The following KCNN3 variants were observed in gnomAD, a reference collection of about 807,000 sequenced individuals.
KCNN3 encodes potassium calcium-activated channel subfamily N member 3, also known as small conductance calcium-activated potassium channel protein 3.
In KCNN3, 16 loss-of-function variants were observed where a neutral mutation model predicts 62.9. The ratio of observed to expected loss-of-function variants is 0.25; its 90% CI spans 0.17 to 0.39. KCNN3 has a LOEUF of 0.39. Ranked by LOEUF, KCNN3 falls within the 10% of genes least tolerant of loss-of-function variation. The probability of loss-of-function intolerance (pLI) is 1.00; values close to 1 mark genes in which losing one functional copy is unlikely to be tolerated. For synonymous variants in KCNN3, 370 were observed against 389.2 expected (o/e 0.95, Z 0.58); for missense variants, 599 against 949.4 (o/e 0.63, Z 4.85).
rs1464923221 is a variant in KCNN3 at position 154,728,193 on chromosome 1, CTTTTAATGAGAAGCTAGAGTGT to C, written c.1591-2189_1591-2168del. On this transcript the variant is annotated intron_variant, in intron 4 of 7. Coordinates refer to ENST00000271915, the MANE Select transcript of KCNN3 (RefSeq NM_002249.6). ...TTTAGCTGGCTGATTGCAGGGGGGG[CTTTTAATGAGAAGCTAGAGTGT>C]TTTATCTAATGAACCACCTGTCTCA... 2.7e-3 allele frequency among the ~76,000 whole-genome samples: 404 copies of C among 152,266 alleles called. 2 individuals are homozygous for C. The highest frequency in any genetic ancestry group is 9.3e-3 in the African/African-American group (387 of 41,540).
chr1:154,742,000 C>G (rs1382885713), intron 3 of KCNN3, among the ~76,000 whole-genome samples: 1 of 152,252 alleles, frequency 6.6e-6, no homozygotes, highest in Non-Finnish European at 1.5e-5. Context: ...TCTGACCCCA[C>G]CGGTGCCTCT....
chr1:154,734,199 G>C (rs530679470), intron 3 of KCNN3, among the ~76,000 whole-genome samples: 1 of 152,302 alleles, frequency 6.6e-6, no homozygotes, highest in South Asian at 2.1e-4. Flanking sequence ...TGGTGAAGGT[G>C]AGTCCTCTTC....
intron 2 of KCNN3, among the ~76,000 whole-genome samples, chr1:154,795,928 C>T (rs1417234088): frequency 6.6e-6 from 1 of 152,146 alleles, no homozygotes; most frequent in African/African-American, 2.4e-5. Context: ...GCTCTATCTG[C>T]CCCCCTGGGG....
intron 1 of KCNN3, among the ~76,000 whole-genome samples, chr1:154,843,830 C>T (rs544542820): frequency 1.3e-5 from 2 of 152,316 alleles, no homozygotes; most frequent in South Asian, 2.1e-4. Context: ...GCAAGACAGA[C>T]GTTTGGAGAA....
At chr1:154,816,330 C>G (rs1453090843) in intron 2 of KCNN3, among the ~76,000 whole-genome samples, 2 of 152,186 alleles carry the variant, frequency 1.3e-5, no homozygotes, top group Non-Finnish European at 2.9e-5. Context: ...TGAATATGGC[C>G]AAGAACCACA....
intron 7 of KCNN3, among the ~76,000 whole-genome samples, chr1:154,710,491 T>C (rs1423973573): frequency 1.3e-5 from 2 of 152,204 alleles, no homozygotes; most frequent in African/African-American, 4.8e-5. Flanking sequence ...GCACACTCTT[T>C]CTTTCCAGGT....
chr1:154,810,700 C>T (rs1211567103), intron 2 of KCNN3, among the ~76,000 whole-genome samples: 1 of 152,184 alleles, frequency 6.6e-6, no homozygotes, highest in East Asian at 1.9e-4. Context: ...GCCTCCAGAG[C>T]TGCTGCAAGG....
At chr1:154,761,406 T>C (rs1210686295) in intron 3 of KCNN3, among the ~76,000 whole-genome samples, 1 of 151,846 alleles carries the variant, frequency 6.6e-6, no homozygotes, top group Non-Finnish European at 1.5e-5. Context: ...AGGCAGAGGT[T>C]GCAGTGAGCC....
chr1:154,774,834 C>T (rs1287563450), intron 2 of KCNN3, among the ~76,000 whole-genome samples: 1 of 152,260 alleles, frequency 6.6e-6, no homozygotes, highest in African/African-American at 2.4e-5. Flanking sequence ...AGCATCAGCA[C>T]CTCCTGGCTG....
intron 3 of KCNN3, among the ~76,000 whole-genome samples, chr1:154,757,908 A>G (rs1419609366): frequency 8.5e-5 from 13 of 152,134 alleles, no homozygotes; most frequent in Non-Finnish European, 1.5e-5. Context: ...CGTGTGCTAA[A>G]TGTTCTACAC....
At chr1:154,762,168 C>T (rs114232928) in intron 3 of KCNN3, among the ~76,000 whole-genome samples, 2,142 of 152,204 alleles carry the variant, frequency 0.014, 48 homozygotes, top group African/African-American at 0.05. Context: ...AAAATAGCTT[C>T]CTAGAAAGAG....
intron 3 of KCNN3, among the ~76,000 whole-genome samples, chr1:154,766,195 G>A (rs1237289807): frequency 6.6e-6 from 1 of 151,490 alleles, no homozygotes; most frequent in East Asian, 1.9e-4. Flanking sequence ...AGAGGGCAGG[G>A]TTCCTGGGTC....
intron 4 of KCNN3, among the ~76,000 whole-genome samples, chr1:154,728,952 T>C (rs544374039): frequency 1.9e-4 from 29 of 152,322 alleles, no homozygotes; most frequent in Admixed American, 7.2e-4. Flanking sequence ...TCAAGTGGTA[T>C]AAGGATTGCC....
chr1:154,796,638 C>A (rs937470770), intron 2 of KCNN3, among the ~76,000 whole-genome samples: 1 of 152,180 alleles, frequency 6.6e-6, no homozygotes, highest in African/African-American at 2.4e-5. Flanking sequence ...ATGATTCAAC[C>A]GATTCAACCG....
In KCNN3 at chr1:154,713,119, T is replaced by A. The variant is rs555013784; in HGVS notation, c.1899+345A>T. Among the ~76,000 whole-genome samples, 8 of 152,294 alleles carry A rather than the reference T, an allele frequency of 5.3e-5. No individual in the cohort carries two copies. In the South Asian group the frequency reaches 1.7e-3, roughly 32 times the overall value. The stretch of plus-strand genomic sequence containing the variant: ...CGTTACCGTCTGGTCCTTGCTAGCA[T>A]GCTTCACAGCCGTGCAAACTCAAGC... On this transcript the variant is annotated intron_variant, in intron 7 of 7. Coordinates refer to ENST00000271915, the MANE Select transcript of KCNN3 (RefSeq NM_002249.6).
intron 3 of KCNN3, among the ~76,000 whole-genome samples, chr1:154,741,969 T>C (rs896400670): frequency 1.3e-5 from 2 of 152,250 alleles, no homozygotes; most frequent in African/African-American, 4.8e-5. Context: ...AACACGTACC[T>C]GGCTTGGCCC....
In KCNN3 at chr1:154,749,863, C is replaced by T. The variant is rs528191042; in HGVS notation, c.1449-16719G>A. 3.3e-5 allele frequency among the ~76,000 whole-genome samples: 5 copies of T among 152,278 alleles called. No homozygotes were observed. The South Asian group carries it at 6.2e-4, about 19-fold the overall frequency. On this transcript the variant is annotated intron_variant, in intron 3 of 7. Coordinates refer to ENST00000271915, the MANE Select transcript of KCNN3 (RefSeq NM_002249.6). ...ACGGCCGTGGGGCTTGGGGAGACTA[C>T]GGGATGCTCCCGGACCACAAGCAGC...
In KCNN3 at chr1:154,713,427, C is replaced by T. The variant is rs200000038; in HGVS notation, c.1899+37G>A. On this transcript the variant is annotated intron_variant, in intron 7 of 7. Transcript: ENST00000271915. ...TGAGCCTGAGAAGACTCAGTGTCTG[C>T]GTGTTCTAGGGGATGTCTCCAGACA... 6,192 of 1,532,982 alleles carry T rather than the reference C, an allele frequency of 4.0e-3. 26 individuals carry two copies. Among genetic ancestry groups the T allele is most frequent in the Non-Finnish European group, 5.2e-3 (5,776 of 1,106,078 alleles). 95.0% of individuals were successfully genotyped at this position (1,532,982 alleles called of 1,614,324 possible). A position where few individuals can be genotyped will look rare whatever the true frequency, so the allele number is the denominator to read the frequency against.
chr1:154,764,794 G>A (rs149359510), intron 3 of KCNN3, among the ~76,000 whole-genome samples: 14 of 152,192 alleles, frequency 9.2e-5, no homozygotes, highest in East Asian at 1.9e-4. Context: ...GCAACTACGC[G>A]TAAGTTTAGT....
Sources: allele counts gnomAD v4.1 joint callset (sites outside exome capture counted in the v4.1 genomes callset), GRCh38; gene constraint gnomAD v4.1.1; transcripts MANE v1.5; gene names NCBI Gene and HGNC (gene_info 2026-07-23, HGNC 2026-07-21).